Variants in GPATCH2 observed in about 807,000 individuals in gnomAD.
The protein encoded by GPATCH2 is G-patch domain containing 2.
Under a neutral mutation model 58.0 loss-of-function variants are expected in GPATCH2, and 51 were observed. That is an observed-to-expected ratio of 0.88 (90% CI 0.70 to 1.11). The LOEUF (loss-of-function observed/expected upper bound fraction) is 1.11. Among genes scored for constraint, GPATCH2 ranks in the 50% most tolerant of loss-of-function variants. The pLI is 0.00. For synonymous variants in GPATCH2, 222 were observed against 218.5 expected (o/e 1.02, Z -0.14); for missense variants, 625 against 652.2 (o/e 0.96, Z 0.45).
At chr1:217,432,717 TAACAGACA>T (rs1489154788) in intron 9 of GPATCH2, among the ~76,000 whole-genome samples, 5 of 151,972 alleles carry the variant, frequency 3.3e-5, no homozygotes, top group Non-Finnish European at 7.4e-5. Context: ...AGAAAGTGAA[TAACAGACA>T]AACTAATATT....
intron 6 of GPATCH2, among the ~76,000 whole-genome samples, chr1:217,512,010 G>A (rs377729266): frequency 6.6e-6 from 1 of 152,142 alleles, no homozygotes; most frequent in South Asian, 2.1e-4. Context: ...TGAAAATACA[G>A]ACTTACCAAA....
intron 5 of GPATCH2, among the ~76,000 whole-genome samples, chr1:217,595,427 G>C (rs1667775751): frequency 6.6e-6 from 1 of 151,470 alleles, no homozygotes; most frequent in South Asian, 2.1e-4. Flanking sequence ...TGAAAATATG[G>C]AAAAAGCGTA....
At chr1:217,512,092 T>A (rs931207976) in intron 6 of GPATCH2, among the ~76,000 whole-genome samples, 3 of 151,890 alleles carry the variant, frequency 2.0e-5, no homozygotes, top group African/African-American at 4.8e-5. Flanking sequence ...GAAGTGGAGG[T>A]GGCAGGATTG....
intron 8 of GPATCH2, among the ~76,000 whole-genome samples, chr1:217,454,355 T>A (rs970304679): frequency 1.3e-5 from 2 of 151,964 alleles, no homozygotes; most frequent in African/African-American, 4.8e-5. Flanking sequence ...CTTGGGAGGC[T>A]GAGGTGGGCG....
chr1:217,529,809 G>A (rs192505965), intron 5 of GPATCH2, among the ~76,000 whole-genome samples: 32 of 152,128 alleles, frequency 2.1e-4, no homozygotes, highest in Admixed American at 9.8e-4. Context: ...ATTTTATCTC[G>A]CCCAAGAGTT....
chr1:217,540,297 C>A (rs949358904), intron 5 of GPATCH2, among the ~76,000 whole-genome samples: 1 of 152,058 alleles, frequency 6.6e-6, no homozygotes, highest in Non-Finnish European at 1.5e-5. Flanking sequence ...CAGCTAAGTG[C>A]CCCTTTTGCA....
chr1:217,616,487 C>T (rs1174516825), intron 2 of GPATCH2, among the ~76,000 whole-genome samples: 1 of 152,116 alleles, frequency 6.6e-6, no homozygotes, highest in Non-Finnish European at 1.5e-5. Flanking sequence ...TCAGAATTCC[C>T]TCTCTTCCAG....
intron 8 of GPATCH2, among the ~76,000 whole-genome samples, chr1:217,468,665 T>C (rs1660584436): frequency 6.6e-6 from 1 of 151,948 alleles, no homozygotes; most frequent in South Asian, 2.1e-4. Context: ...ATAAAGGAAA[T>C]GTAAATATCA....
In GPATCH2 at chr1:217,630,941, C is replaced by T. The variant is rs866586244; in HGVS notation, c.31G>A (p.Gly11Arg). The T allele has an allele frequency of 6.3e-7, 1 of 1,590,394 alleles. No homozygotes were observed. The highest frequency in any genetic ancestry group is 1.7e-5 in the Admixed American group (1 of 58,952). Reference sequence around the variant, plus strand: ...CAGCTGTTCCCGGCTGCTGGAGCTCCGATCGGTTGGCGCCCGGCGGCCCCG... The same window carrying T: ...CAGCTGTTCCCGGCTGCTGGAGCTCTGATCGGTTGGCGCCCGGCGGCCCCG... Reference protein sequence around the residue: MFGAAGRQPIGAPAAGNSWHF... With the variant: MFGAAGRQPIRAPAAGNSWHF... The change falls in exon 1 of 10, where the codon GGA becomes AGA. Residue 11 changes from glycine (G) to arginine (R), a missense_variant. Coordinates refer to ENST00000366935, the MANE Select transcript of GPATCH2 (RefSeq NM_018040.5).
chr1:217,630,450 CCT>C (rs1250963475), intron 1 of GPATCH2, among the ~76,000 whole-genome samples: 2 of 151,972 alleles, frequency 1.3e-5, no homozygotes, highest in Non-Finnish European at 2.9e-5. Flanking sequence ...GGTAGGTTAC[CCT>C]CTCTCTTTAA....
chr1:217,606,777 A>C (rs1269576147), intron 5 of GPATCH2, among the ~76,000 whole-genome samples: 3 of 152,130 alleles, frequency 2.0e-5, no homozygotes, highest in African/African-American at 7.2e-5. Flanking sequence ...AAGGTCCACA[A>C]TTCTGCACTT....
chr1:217,581,453 A>C (rs1255953891), intron 5 of GPATCH2, among the ~76,000 whole-genome samples: 1 of 152,156 alleles, frequency 6.6e-6, no homozygotes, highest in Non-Finnish European at 1.5e-5. Context: ...GCATGGTGAA[A>C]CTGTGTCTCA....
In GPATCH2 at chr1:217,491,757, A is replaced by G; in HGVS notation, c.1207-7T>C. ...TATCTCTCAGAAGCTGATGCTACAC[A>G]AAGTGTTAAGACAAAGTCATAGAAA... On this transcript the variant is annotated splice_region_variant and splice_polypyrimidine_tract_variant and intron_variant, in intron 7 of 9. Coordinates refer to ENST00000366935, the MANE Select transcript of GPATCH2 (RefSeq NM_018040.5). The G allele has an allele frequency of 7.8e-7, 1 of 1,274,280 alleles. No homozygotes were observed. Among genetic ancestry groups the G allele is most frequent in the Non-Finnish European group, 1.1e-6 (1 of 892,546 alleles). The allele number at this position is 1,274,280 out of a possible 1,614,324, so 78.9% of individuals were successfully genotyped here. A position where few individuals can be genotyped will look rare whatever the true frequency, so the allele number is the denominator to read the frequency against.
intron 5 of GPATCH2, among the ~76,000 whole-genome samples, chr1:217,527,683 C>G (rs1663984829): frequency 6.6e-6 from 1 of 152,130 alleles, no homozygotes; most frequent in Non-Finnish European, 1.5e-5. Flanking sequence ...AGCTCAATCC[C>G]TAATTTTAAT....
intron 6 of GPATCH2, among the ~76,000 whole-genome samples, chr1:217,514,423 T>C (rs923504190): frequency 6.6e-6 from 1 of 152,190 alleles, no homozygotes; most frequent in South Asian, 2.1e-4. Flanking sequence ...CCTCCCAAAG[T>C]GCTGGGATTA....
intron 5 of GPATCH2, among the ~76,000 whole-genome samples, chr1:217,588,142 C>T: frequency 6.6e-6 from 1 of 152,176 alleles, no homozygotes; most frequent in East Asian, 1.9e-4. Context: ...ATCTTCAATT[C>T]CCTCCCTCCC....
intron 5 of GPATCH2, among the ~76,000 whole-genome samples, chr1:217,521,358 C>CAAAAAAAT: frequency 9.9e-6 from 1 of 101,168 alleles, no homozygotes; most frequent in Non-Finnish European, 1.8e-5. Context: ...AGGGAGACTG[C>CAAAAAAAT]AAAAAAAAAA....
chr1:217,473,459 T>C (rs1307408837), intron 8 of GPATCH2, among the ~76,000 whole-genome samples: 1 of 152,166 alleles, frequency 6.6e-6, no homozygotes, highest in Admixed American at 6.5e-5. Flanking sequence ...TATTTATTTA[T>C]GAAAAGAATT....
chr1:217,584,731 A>C (rs1161777779), intron 5 of GPATCH2, among the ~76,000 whole-genome samples: 2 of 152,070 alleles, frequency 1.3e-5, no homozygotes, highest in Non-Finnish European at 2.9e-5. Flanking sequence ...AAGAAAAGAG[A>C]GCAACAAGTC....
Sources: gnomAD v4.1 joint callset for allele counts (sites outside exome capture counted in the v4.1 genomes callset) on GRCh38, gnomAD v4.1.1 for gene constraint, MANE v1.5 for transcripts, NCBI Gene and HGNC (gene_info 2026-07-23, HGNC 2026-07-21) for gene names.